ARMC9: variants seen among roughly 807,000 people sequenced by gnomAD.
ARMC9 encodes the protein armadillo repeat containing 9.
Under a neutral mutation model 107.0 loss-of-function variants are expected in ARMC9, and 94 were observed. The ratio of observed to expected loss-of-function variants is 0.88; its 90% CI spans 0.74 to 1.04. The LOEUF (loss-of-function observed/expected upper bound fraction) is 1.04. Ranked by LOEUF, ARMC9 falls within the 50% of genes least tolerant of loss-of-function variation. The pLI, the probability that ARMC9 is intolerant of heterozygous loss-of-function variation, is 0.00. For missense variants in ARMC9, 942 were observed against 1,030.1 expected (o/e 0.91, Z 1.17); for synonymous variants, 380 against 396.9 (o/e 0.96, Z 0.51).
At position 231,214,932 on chromosome 2, in the gene ARMC9, C is replaced by T. The variant is rs1185828502; in HGVS notation, c.279C>T (p.Ala93=). The change falls in exon 4 of 25, where the codon GCC becomes GCT. Residue 93 remains alanine, a synonymous_variant. Transcript: ENST00000611582. ...CCATCCGAGATGGGGACTCCTTTGC[C>T]CAGAAGCTGGAATTCTATCTCCACA... is the stretch of plus-strand genomic sequence containing the variant. ...SSSIRDGDSF[A]QKLEFYLHIH... is the part of the protein sequence containing the mutation. 2.3e-5 allele frequency: 37 copies of T among 1,614,074 alleles called. No homozygotes were observed. Among genetic ancestry groups the T allele is most frequent in the Non-Finnish European group, 3.0e-5 (35 of 1,180,006 alleles).
intron 21 of ARMC9, among the ~76,000 whole-genome samples, chr2:231,351,310 C>T (rs1054697793): frequency 6.6e-6 from 1 of 151,830 alleles, no homozygotes; most frequent in Non-Finnish European, 1.5e-5. Context: ...CAGGGAATCC[C>T]AGCAGAGAGA....
intron 3 of ARMC9, among the ~76,000 whole-genome samples, chr2:231,211,680 T>C (rs2032885985): frequency 6.6e-6 from 1 of 152,196 alleles, no homozygotes; most frequent in Non-Finnish European, 1.5e-5. Context: ...TGCCAAGCTG[T>C]TTTACAAAGT....
chr2:231,256,971 A>G (rs2037881041), intron 10 of ARMC9, among the ~76,000 whole-genome samples: 1 of 152,058 alleles, frequency 6.6e-6, no homozygotes, highest in South Asian at 2.1e-4. Context: ...ATACGCCACC[A>G]CGCCCGGCTA....
chr2:231,242,293 G>A (rs547886133), intron 9 of ARMC9, among the ~76,000 whole-genome samples: 11 of 152,184 alleles, frequency 7.2e-5, no homozygotes, highest in East Asian at 1.9e-4. Flanking sequence ...AAGAGCAGGC[G>A]GCCTTGACCA....
chr2:231,225,923 C>T (rs1002620709), intron 6 of ARMC9, among the ~76,000 whole-genome samples: 2 of 152,202 alleles, frequency 1.3e-5, no homozygotes, highest in African/African-American at 2.4e-5. Flanking sequence ...ATGGCGTGAT[C>T]TTGGCTCACT....
At chr2:231,223,246 T>A (rs1292561041) in intron 6 of ARMC9, among the ~76,000 whole-genome samples, 1 of 152,182 alleles carries the variant, frequency 6.6e-6, no homozygotes. Flanking sequence ...AGGTGTAAAT[T>A]TACATACCAT....
chr2:231,336,607 A>G (rs541098709), intron 20 of ARMC9, among the ~76,000 whole-genome samples: 5 of 152,310 alleles, frequency 3.3e-5, no homozygotes, highest in South Asian at 2.1e-4. Flanking sequence ...GGAAATGCCT[A>G]TAGTGAATGC....
intron 12 of ARMC9, among the ~76,000 whole-genome samples, chr2:231,269,989 T>C (rs1328235621): frequency 6.6e-5 from 10 of 150,956 alleles, no homozygotes; most frequent in Non-Finnish European, 1.2e-4. Context: ...CCATTGAGTG[T>C]GATGGTGGGG....
Position 231,272,984 on chromosome 2 carries a change from G to A in ARMC9, c.1240G>A (p.Val414Met), listed in dbSNP as rs1338174282. The A allele has an allele frequency of 6.2e-7, 1 of 1,613,998 alleles. No homozygotes were observed. Among genetic ancestry groups the A allele is most frequent in the Middle Eastern group, 1.6e-4 (1 of 6,062 alleles). Residue 414 changes from valine to methionine, a missense_variant, in exon 14 of 25, where the codon GTG becomes ATG. Val to Met is a conservative substitution (Grantham distance 21). Transcript: ENST00000611582. Reference protein sequence around the residue: ...GRLYLAQNTKVLQMLEGRLKE... With the variant: ...GRLYLAQNTKMLQMLEGRLKE... ...CCTCTACCTTGCCCAGAACACAAAG[G>A]TGCTGCAGATGCTGGAGGGAAGGCT...
rs769289934 is a variant in ARMC9 at position 231,340,079 on chromosome 2, G to A, written c.1879-4896G>A. ...ACATTCTATAAGTTTTATGTGACAT[G>A]GGAGCTCTCCTGCAGAAACGAAGGG... On this transcript the variant is annotated intron_variant, in intron 20 of 24. Coordinates refer to ENST00000611582, the MANE Select transcript of ARMC9 (RefSeq NM_001352754.2). Among the ~76,000 whole-genome samples the A allele has an allele frequency of 2.8e-4, 42 of 152,306 alleles. 1 individual carries two copies. The highest frequency in any genetic ancestry group is 4.9e-4 in the Non-Finnish European group (33 of 68,028).
At chr2:231,363,256 T>C (rs1244542193) in intron 23 of ARMC9, among the ~76,000 whole-genome samples, 1 of 152,172 alleles carries the variant, frequency 6.6e-6, no homozygotes, top group East Asian at 1.9e-4. Flanking sequence ...TGGTTCTCTA[T>C]GTGGCTTTGG....
At chr2:231,274,116 C>A (rs2039568147) in intron 14 of ARMC9, among the ~76,000 whole-genome samples, 3 of 152,232 alleles carry the variant, frequency 2.0e-5, no homozygotes. Flanking sequence ...ATGGCTACAT[C>A]ATATTGTTTG....
At position 231,372,079 on chromosome 2, in the gene ARMC9, AAAG is replaced by A. The variant is rs1342418610; in HGVS notation, c.*548_*550del. The A allele has an allele frequency of 2.0e-5, 3 of 152,606 alleles. No homozygotes were observed. The highest frequency in any genetic ancestry group is 2.1e-4 in the South Asian group (1 of 4,830). The allele number at this position is 152,606 out of a possible 1,614,324, so 9.5% of individuals were successfully genotyped here. ...TTTTCTTCCTGTGTTAAAATCTGAG[AAAG>A]AAGGCCAGGTGCGGTGGCTCACGCC... On this transcript the variant is annotated 3_prime_UTR_variant, in exon 25 of 25. Transcript: ENST00000611582.
intron 22 of ARMC9, among the ~76,000 whole-genome samples, 187 bp downstream of exon 22, chr2:231,356,121 C>T (rs2045335649): frequency 6.6e-6 from 1 of 152,258 alleles, no homozygotes; most frequent in Non-Finnish European, 1.5e-5. Flanking sequence ...GGCTGGTCCT[C>T]TGCGTCCCCT....
At chr2:231,281,493 C>G (rs1376971706) in intron 16 of ARMC9, among the ~76,000 whole-genome samples, 3 of 152,116 alleles carry the variant, frequency 2.0e-5, no homozygotes, top group Non-Finnish European at 4.4e-5. Flanking sequence ...TCCAACTGGG[C>G]TCTATGGAAG....
chr2:231,263,814 G>A (rs959540571), intron 12 of ARMC9, among the ~76,000 whole-genome samples: 10 of 152,078 alleles, frequency 6.6e-5, no homozygotes, highest in African/African-American at 2.4e-4. Context: ...ATTTATAATG[G>A]CATTGAATCC....
chr2:231,364,336 T>C (rs1353956335), intron 23 of ARMC9, among the ~76,000 whole-genome samples: 1 of 152,226 alleles, frequency 6.6e-6, no homozygotes, highest in African/African-American at 2.4e-5. Context: ...CAGGACAGGA[T>C]CAGAAGCAAA....
chr2:231,271,162 A>G, intron 13 of ARMC9, 90 bp downstream of exon 13: 5 of 1,249,806 alleles, frequency 4.0e-6, no homozygotes, highest in African/African-American at 1.5e-5. Flanking sequence ...CAAGTTTCTT[A>G]GAGATGACGC....
At chr2:231,300,400 TAA>T (rs1454029086) in intron 19 of ARMC9, among the ~76,000 whole-genome samples, 4 of 152,154 alleles carry the variant, frequency 2.6e-5, no homozygotes, top group Non-Finnish European at 5.9e-5. Context: ...AAAAGAAATC[TAA>T]AAGAGTATCT....
Sources: gnomAD v4.1 joint callset for allele counts (sites outside exome capture counted in the v4.1 genomes callset) on GRCh38, gnomAD v4.1.1 for gene constraint, MANE v1.5 for transcripts, NCBI Gene and HGNC (gene_info 2026-07-23, HGNC 2026-07-21) for gene names.